PCDHGB4: variants seen among roughly 807,000 people sequenced by gnomAD.
The protein encoded by PCDHGB4 is protocadherin gamma-B4.
PCDHGB4 carries 38 observed loss-of-function variants against 60.5 expected under a neutral mutation model. That is an observed-to-expected ratio of 0.63 (90% CI 0.48 to 0.82). The LOEUF (loss-of-function observed/expected upper bound fraction) is 0.82, where lower values mean the gene tolerates loss of function less well. Among genes scored for constraint, PCDHGB4 ranks in the 40% least tolerant of loss-of-function variants. The pLI is 0.00. For missense variants in PCDHGB4, 1,109 were observed against 1,209.6 expected (o/e 0.92, Z 1.23); for synonymous variants, 456 against 509.7 (o/e 0.89, Z 1.42).
At chr5:141,479,391 T>G (rs2099494461) in intron 1 of PCDHGB4, 1 of 152,266 alleles carries the variant, frequency 6.6e-6, no homozygotes, top group Non-Finnish European at 1.5e-5. Flanking sequence ...AGCCCAGGAG[T>G]TCTGGGCTGT....
intron 1 of PCDHGB4, chr5:141,403,246 G>C: frequency 6.2e-7 from 1 of 1,613,930 alleles, no homozygotes; most frequent in South Asian, 1.1e-5. Flanking sequence ...TCTGTGCTCA[G>C]AGCCCGCGGT....
At chr5:141,445,357 G>A (rs115045385) in intron 1 of PCDHGB4, among the ~76,000 whole-genome samples, 18 of 152,258 alleles carry the variant, frequency 1.2e-4, no homozygotes, top group Admixed American at 1.1e-3. Context: ...GTCTGCCCAA[G>A]TCTGGTCCTG....
At position 141,511,124 on chromosome 5, in the gene PCDHGB4, C is replaced by A. The variant is rs752246201; in HGVS notation, c.2723C>A (p.Ala908Glu). The A allele has an allele frequency of 6.2e-7, 1 of 1,614,206 alleles. No homozygotes were observed. The highest frequency in any genetic ancestry group is 8.5e-7 in the Non-Finnish European group (1 of 1,180,022). ...AAGKRDGKAP[A>E]GGNGNKKKSG... The stretch of plus-strand genomic sequence containing the variant: ...GGCAAGCGGGATGGCAAGGCCCCAG[C>A]AGGTGGCAATGGCAACAAGAAGAAG... Residue 908 changes from alanine (A) to glutamate (E), a missense_variant, in exon 4 of 4, where the codon GCA becomes GAA. Coordinates refer to ENST00000519479, the MANE Select transcript of PCDHGB4 (RefSeq NM_003736.4).
chr5:141,445,302 A>C (rs2098462947), intron 1 of PCDHGB4, among the ~76,000 whole-genome samples: 1 of 152,220 alleles, frequency 6.6e-6, no homozygotes, highest in African/African-American at 2.4e-5. Flanking sequence ...CATTCTCTTC[A>C]GTTTGTAGGT....
intron 1 of PCDHGB4, chr5:141,408,804 A>G (rs577658697): frequency 1.9e-6 from 3 of 1,613,264 alleles, no homozygotes; most frequent in African/African-American, 2.7e-5. Context: ...AAACTCCTAG[A>G]CCGGGAAGAA....
At chr5:141,505,767 AGGTCCTAGCTCT>A (rs2099848180) in intron 3 of PCDHGB4, among the ~76,000 whole-genome samples, 1 of 151,756 alleles carries the variant, frequency 6.6e-6, no homozygotes, top group Non-Finnish European at 1.5e-5. Context: ...AGTGTAGCTC[AGGTCCTAGCTCT>A]GCTACTATCC....
intron 1 of PCDHGB4, among the ~76,000 whole-genome samples, chr5:141,450,783 G>A (rs2879228): frequency 0.25 from 37,099 of 150,510 alleles, 4,810 homozygotes; most frequent in Admixed American, 0.32. Flanking sequence ...CACCGTGCCC[G>A]GACCTCATGA....
At chr5:141,403,344 C>T (rs1307550469) in intron 1 of PCDHGB4, 10 of 1,613,916 alleles carry the variant, frequency 6.2e-6, no homozygotes, top group Non-Finnish European at 8.5e-6. Context: ...GACAGCGCCC[C>T]AAAGTTCCAG....
chr5:141,461,072 A>G (rs555905734), intron 1 of PCDHGB4, among the ~76,000 whole-genome samples: 2 of 151,574 alleles, frequency 1.3e-5, no homozygotes, highest in Non-Finnish European at 2.9e-5. Flanking sequence ...ACATTTTTGC[A>G]ATTGTGAATT....
chr5:141,490,565 T>C lies in PCDHGB4; in HGVS notation c.2398-4242T>C. ...CTACACAAACATCTCACCATCAGGC[T>C]CAACATTTCAGATGTCAATGACAAT... On this transcript the variant is annotated intron_variant, in intron 1 of 3. Coordinates refer to ENST00000519479, the MANE Select transcript of PCDHGB4 (RefSeq NM_003736.4). This position sits in a 1 kb window ranked among gnomAD's most constrained non-coding sequence, Gnocchi z 5.4. 8 of 1,614,116 alleles carry C rather than the reference T, an allele frequency of 5.0e-6. No individual in the cohort carries two copies. Among genetic ancestry groups the C allele is most frequent in the Non-Finnish European group, 6.8e-6 (8 of 1,180,024 alleles).
rs781026604 is a variant in PCDHGB4, at chr5:141,490,471, C to G, written c.2398-4336C>G. ...CCACTACTCGCTGCTAACCAGCCAG[C>G]CTTTGGACCGGGAGGCCACATCCCA... On this transcript the variant is annotated intron_variant, in intron 1 of 3. Coordinates refer to ENST00000519479, the MANE Select transcript of PCDHGB4 (RefSeq NM_003736.4). The surrounding 1 kb of genome is among the most constrained non-coding windows in gnomAD (Gnocchi z 5.4). 12 of 1,614,096 alleles carry G rather than the reference C, an allele frequency of 7.4e-6. No homozygotes were observed. The highest frequency in any genetic ancestry group is 1.1e-5 in the South Asian group (1 of 91,092).
rs1190624035 is a variant in PCDHGB4, at chr5:141,432,332, T to G, written c.2397+42051T>G. ...GCTGAGCTCCTTCGACTACGAGCAG[T>G]TCCGAGACTTGCAAGTGAAAGTGAT... On this transcript the variant is annotated intron_variant, in intron 1 of 3. Coordinates refer to ENST00000519479, the MANE Select transcript of PCDHGB4 (RefSeq NM_003736.4). The surrounding 1 kb of genome is among the most constrained non-coding windows in gnomAD (Gnocchi z 6.0). The G allele has an allele frequency of 2.5e-6, 4 of 1,614,116 alleles. No homozygotes were observed. In the African/African-American group the frequency reaches 5.3e-5, roughly 22 times the overall value.
rs771759945 is a variant in PCDHGB4, at chr5:141,405,371, G to A, written c.2397+15090G>A. 49 of 1,598,874 alleles carry A rather than the reference G, an allele frequency of 3.1e-5. No individual in the cohort carries two copies. The highest frequency in any genetic ancestry group is 3.7e-5 in the Non-Finnish European group (43 of 1,176,096). ...GTTTCCTATAGAAGACACCCCTTTG[G>A]TTCCGGTGAGTTCATTTTTTTTCTT... On this transcript the variant is annotated intron_variant, in intron 1 of 3. Transcript: ENST00000519479.
At chr5:141,405,555 G>C in intron 1 of PCDHGB4, 1 of 620,228 alleles carries the variant, frequency 1.6e-6, no homozygotes, top group Non-Finnish European at 2.8e-6. Context: ...AAGTAGAGTA[G>C]CTGGGACTAG....
intron 1 of PCDHGB4, chr5:141,428,122 G>A: frequency 6.2e-7 from 1 of 1,606,172 alleles, no homozygotes; most frequent in Non-Finnish European, 8.5e-7. Context: ...ATCGAGCCCG[G>A]GCTTTTCAGC....
chr5:141,394,202 G>A (rs1285720796), intron 1 of PCDHGB4: 2 of 1,613,832 alleles, frequency 1.2e-6, no homozygotes, highest in Non-Finnish European at 1.7e-6. Context: ...ATATCCTAGA[G>A]AACAACCTGA....
In PCDHGB4 at chr5:141,485,896, C is replaced by T; in HGVS notation, c.2398-8911C>T. On this transcript the variant is annotated intron_variant, in intron 1 of 3. Coordinates refer to ENST00000519479, the MANE Select transcript of PCDHGB4 (RefSeq NM_003736.4). The surrounding 1 kb of genome is among the most constrained non-coding windows in gnomAD (Gnocchi z 5.7). ...TGGACGTAAACGACAACGCCCCAGC[C>T]TTCCAGCAATCCAGCTACAGGATTA... 6.2e-7 allele frequency: 1 copy of T among 1,614,190 alleles called. No individual in the cohort carries two copies. The highest frequency in any genetic ancestry group is 8.5e-7 in the Non-Finnish European group (1 of 1,180,042).
chr5:141,478,744 T>C, intron 1 of PCDHGB4: 1 of 1,528,172 alleles, frequency 6.5e-7, no homozygotes, highest in Non-Finnish European at 8.8e-7. Flanking sequence ...TGTGGTCCCA[T>C]TTCAGGGGGA....
In PCDHGB4 at chr5:141,389,722, G is replaced by T. The variant is rs141134077; in HGVS notation, c.1838G>T (p.Gly613Val). 1.9e-6 allele frequency: 3 copies of T among 1,612,560 alleles called. No individual in the cohort carries two copies. The highest frequency in any genetic ancestry group is 1.7e-6 in the Non-Finnish European group (2 of 1,179,768). Reference protein sequence around the residue: ...SYHVLQASEPGLFSLGLRTGE... With the variant: ...SYHVLQASEPVLFSLGLRTGE... ...CACGTGCTGCAGGCTAGCGAGCCCG[G>T]GCTCTTCAGCCTGGGGCTGCGCACG... Residue 613 changes from glycine (G) to valine (V), a missense_variant, in exon 1 of 4, where the codon GGG (glycine) becomes GTG (valine). Gly to Val is a moderately radical substitution (Grantham distance 109, BLOSUM62 -3). Around this residue, in one of 2 missense-constraint regions of PCDHGB4, gnomAD observed 1,068 missense variants for 1,089.9 expected, o/e 0.98. Transcript: ENST00000519479.
Sources: allele counts gnomAD v4.1 joint callset (sites outside exome capture counted in the v4.1 genomes callset), GRCh38; gene constraint gnomAD v4.1.1; regional missense constraint gnomAD v4.1.1; non-coding constraint Gnocchi (gnomAD v3.1); transcripts MANE v1.5; gene names NCBI Gene and HGNC (gene_info 2026-07-23, HGNC 2026-07-21).